The following CYP7B1 variants were observed in gnomAD, a reference collection of about 807,000 sequenced individuals.
CYP7B1 encodes the protein cytochrome P450 7B1.
In CYP7B1, 29 loss-of-function variants were observed where a neutral mutation model predicts 42.7. That is an observed-to-expected ratio of 0.68 (90% CI 0.51 to 0.93). CYP7B1 has a LOEUF of 0.93. Ranked by LOEUF, CYP7B1 falls within the 40% of genes least tolerant of loss-of-function variation. CYP7B1 has a pLI of 0.00. For synonymous variants in CYP7B1, 235 were observed against 218.2 expected (o/e 1.08, Z -0.68); for missense variants, 655 against 600.5 (o/e 1.09, Z -0.95).
At chr8:64,767,483 G>T (rs1804117737) in intron 1 of CYP7B1, among the ~76,000 whole-genome samples, 1 of 152,182 alleles carries the variant, frequency 6.6e-6, no homozygotes, top group Admixed American at 6.5e-5. Context: ...GAAAGAACGG[G>T]GAACCTCACG....
At chr8:64,618,586 C>CTCTCTCTT (rs1460986566) in intron 2 of CYP7B1, among the ~76,000 whole-genome samples, 2 of 151,458 alleles carry the variant, frequency 1.3e-5, no homozygotes, top group Admixed American at 6.6e-5. Context: ...CTCTCTCTCT[C>CTCTCTCTT]TCTTTCTCTC....
intron 1 of CYP7B1, among the ~76,000 whole-genome samples, chr8:64,739,522 C>A (rs1205782519): frequency 6.6e-6 from 1 of 152,168 alleles, no homozygotes; most frequent in African/African-American, 2.4e-5. Context: ...ACTAAAATGT[C>A]TGTTTACCTC....
intron 5 of CYP7B1, among the ~76,000 whole-genome samples, chr8:64,600,801 A>T (rs532141587): frequency 2.0e-5 from 3 of 152,144 alleles, no homozygotes; most frequent in Non-Finnish European, 4.4e-5. Flanking sequence ...GCTAGTTCCA[A>T]TATGGTAGGT....
At chr8:64,764,229 G>GCCCCCCCCCCCCCCCCTCCCCCC (rs59605103) in intron 1 of CYP7B1, among the ~76,000 whole-genome samples, 2 of 125,150 alleles carry the variant, frequency 1.6e-5, no homozygotes, top group Non-Finnish European at 3.3e-5. Context: ...CTTCCACGCT[G>GCCCCCCCCCCCCCCCCTCCCCCC]CCCCCCCCAC....
At chr8:64,648,785 T>C (rs964319903) in intron 1 of CYP7B1, among the ~76,000 whole-genome samples, 2 of 152,192 alleles carry the variant, frequency 1.3e-5, no homozygotes, top group African/African-American at 4.8e-5. Flanking sequence ...AAAATGCATA[T>C]TGTAATTTCT....
intron 1 of CYP7B1, among the ~76,000 whole-genome samples, chr8:64,644,747 G>T (rs192768623): frequency 6.6e-6 from 1 of 152,204 alleles, no homozygotes; most frequent in Non-Finnish European, 1.5e-5. Context: ...ATGTAGAGTA[G>T]ATTTCCACAT....
intron 1 of CYP7B1, among the ~76,000 whole-genome samples, chr8:64,750,228 G>A (rs1258326878): frequency 1.3e-5 from 2 of 152,140 alleles, no homozygotes; most frequent in East Asian, 3.9e-4. Context: ...CCAGAGTCAT[G>A]AAGTTTCAGG....
intron 1 of CYP7B1, among the ~76,000 whole-genome samples, chr8:64,694,981 T>C (rs963683921): frequency 6.6e-6 from 1 of 152,196 alleles, no homozygotes; most frequent in Non-Finnish European, 1.5e-5. Context: ...AGAAATGAAC[T>C]GAATCTGACG....
intron 1 of CYP7B1, among the ~76,000 whole-genome samples, chr8:64,704,885 T>G (rs1379359176): frequency 2.0e-5 from 3 of 152,042 alleles, no homozygotes; most frequent in Non-Finnish European, 4.4e-5. Context: ...ACCAGTTGAC[T>G]TATTGGGGGA....
chr8:64,767,693 G>A (rs1190851888), intron 1 of CYP7B1, among the ~76,000 whole-genome samples: 1 of 152,196 alleles, frequency 6.6e-6, no homozygotes, highest in Non-Finnish European at 1.5e-5. Flanking sequence ...GGCCTGTGAA[G>A]TATGCCAAAG....
intron 1 of CYP7B1, among the ~76,000 whole-genome samples, chr8:64,659,335 A>G (rs1174208288): frequency 6.6e-6 from 1 of 152,174 alleles, no homozygotes; most frequent in Non-Finnish European, 1.5e-5. Context: ...TTCTCATTGT[A>G]CAAAATTTCA....
chr8:64,761,338 T>C (rs1026235630), intron 1 of CYP7B1, among the ~76,000 whole-genome samples: 2 of 152,138 alleles, frequency 1.3e-5, no homozygotes, highest in Non-Finnish European at 2.9e-5. Context: ...TCTTAAATGC[T>C]CTCACTGCAA....
intron 1 of CYP7B1, among the ~76,000 whole-genome samples, chr8:64,791,105 A>G (rs1175461873): frequency 1.3e-5 from 2 of 152,212 alleles, no homozygotes; most frequent in Non-Finnish European, 2.9e-5. Flanking sequence ...AACCCACAGA[A>G]GAAAGCAACC....
In CYP7B1 at chr8:64,591,826, T is replaced by C. The variant is rs1442720521; in HGVS notation, c.*4816A>G. The stretch of plus-strand genomic sequence containing the variant: ...AGTGTTTCATTACGTTGGTCATTGA[T>C]ATAAAACAATATTTTGGGTATTAAT... On this transcript the variant is annotated 3_prime_UTR_variant, in exon 6 of 6. Transcript: ENST00000310193. Among the ~76,000 whole-genome samples the C allele has an allele frequency of 6.6e-6, 1 of 152,210 alleles. No individual in the cohort carries two copies.
chr8:64,754,428 C>T (rs1807776947), intron 1 of CYP7B1, among the ~76,000 whole-genome samples: 1 of 152,170 alleles, frequency 6.6e-6, no homozygotes, highest in Admixed American at 6.5e-5. Context: ...TGTGCTTGCC[C>T]TAACAGTAAG....
rs372911370 is a variant in CYP7B1, at chr8:64,672,959, C to T, written c.123-48420G>A. Among the ~76,000 whole-genome samples, 5 of 152,212 alleles carry T rather than the reference C, an allele frequency of 3.3e-5. 1 individual carries two copies. Among genetic ancestry groups the T allele is most frequent in the African/African-American group, 1.2e-4 (5 of 41,546 alleles). The stretch of plus-strand genomic sequence containing the variant: ...TTAATCCGGCTTAAAAATATTTACT[C>T]TGTGCAGTTGAGTTCTGTGCATGTC... On this transcript the variant is annotated intron_variant, in intron 1 of 5. Coordinates refer to ENST00000310193, the MANE Select transcript of CYP7B1 (RefSeq NM_004820.5).
intron 1 of CYP7B1, among the ~76,000 whole-genome samples, chr8:64,651,344 A>G (rs555415572): frequency 1.3e-5 from 2 of 152,222 alleles, no homozygotes; most frequent in Non-Finnish European, 2.9e-5. Context: ...CTCAAAGATA[A>G]TGTTGGAGAA....
intron 1 of CYP7B1, among the ~76,000 whole-genome samples, chr8:64,764,428 A>T (rs1188683663): frequency 6.6e-6 from 1 of 152,102 alleles, no homozygotes; most frequent in Admixed American, 6.5e-5. Context: ...AGAGAGAAAG[A>T]CAGAAAGGAA....
chr8:64,708,246 T>TCA (rs1458407176), intron 1 of CYP7B1, among the ~76,000 whole-genome samples: 1 of 152,158 alleles, frequency 6.6e-6, no homozygotes, highest in Non-Finnish European at 1.5e-5. Flanking sequence ...ATGGTTTCAG[T>TCA]GAAAATCACT....
Sources: allele counts gnomAD v4.1 joint callset (sites outside exome capture counted in the v4.1 genomes callset), GRCh38; gene constraint gnomAD v4.1.1; transcripts MANE v1.5; gene names NCBI Gene and HGNC (gene_info 2026-07-23, HGNC 2026-07-21).